The following MGRN1 variants were observed in gnomAD, a reference collection of about 807,000 sequenced individuals.
The protein encoded by MGRN1 is E3 ubiquitin-protein ligase MGRN1.
A neutral mutation model predicts 69.2 loss-of-function variants in MGRN1; 29 were observed. The observed-to-expected ratio is 0.42, with a 90% CI of 0.31 to 0.57. The LOEUF is 0.57. Ranked by LOEUF, MGRN1 falls within the 20% of genes least tolerant of loss-of-function variation. The pLI is 0.15. For missense variants in MGRN1, 998 were observed against 796.2 expected (o/e 1.25, Z -3.05); for synonymous variants, 470 against 344.2 (o/e 1.37, Z -4.04).
At chr16:4,657,420 G>T (rs554468687) in intron 5 of MGRN1, 57 bp downstream of exon 5, 23 of 1,535,184 alleles carry the variant, frequency 1.5e-5, no homozygotes, top group African/African-American at 4.1e-5. Context: ...TCTCCCCTTG[G>T]GGGTGGGGCC....
rs1401760451 is a variant in MGRN1, at chr16:4,664,774, T to G, written c.627T>G (p.Asp209Glu). Reference protein sequence around the residue: ...VVIQAVVDEGDVVEVTGHAHV... With the variant: ...VVIQAVVDEGEVVEVTGHAHV... ...TCCAGGCTGTGGTGGACGAAGGAGATGGTGAGTGCGTCCTCTTCCGTCCTC... is the reference window on the plus strand; with the variant it reads ...TCCAGGCTGTGGTGGACGAAGGAGAGGGTGAGTGCGTCCTCTTCCGTCCTC... The change falls in exon 6 of 17, where the codon GAT becomes GAG. Residue 209 changes from aspartate to glutamate, a missense_variant and splice_region_variant. Physicochemically the swap from Asp to Glu is conservative, Grantham distance 45. Coordinates refer to ENST00000262370, the MANE Select transcript of MGRN1 (RefSeq NM_015246.4). 1 of 1,614,072 alleles carries G rather than the reference T, an allele frequency of 6.2e-7. No homozygotes were observed. Among genetic ancestry groups the G allele is most frequent in the Admixed American group, 1.7e-5 (1 of 60,018 alleles).
intron 2 of MGRN1, 55 bp downstream of exon 2, chr16:4,650,538 C>T: frequency 7.2e-7 from 1 of 1,386,940 alleles, no homozygotes. Flanking sequence ...GCCCCTGTCC[C>T]CAGCAGTCCG....
At position 4,683,090 on chromosome 16, in the gene MGRN1, C is replaced by G. The variant is rs181070014; in HGVS notation, c.1483-134C>G. 10 of 1,508,674 alleles carry G rather than the reference C, an allele frequency of 6.6e-6. No homozygotes were observed. The Admixed American group carries it at 1.5e-4, about 22-fold the overall frequency. 93.5% of individuals were successfully genotyped at this position (1,508,674 alleles called of 1,614,324 possible). On this transcript the variant is annotated intron_variant, in intron 14 of 16. Coordinates refer to ENST00000262370, the MANE Select transcript of MGRN1 (RefSeq NM_015246.4). ...TTGCTGAGCTGCGCGGCTCCTTAGC[C>G]TCGGTCTGTGGAGGCAGCACCCCCT...
In MGRN1 at chr16:4,649,967, C is replaced by T. The variant is rs187356693; in HGVS notation, c.89-398C>T. On this transcript the variant is annotated intron_variant, in intron 1 of 16. Coordinates refer to ENST00000262370, the MANE Select transcript of MGRN1 (RefSeq NM_015246.4). ...CTTTCTCAGGGCCGAGCTTCTTGGC[C>T]GTCAGATGTTCCCACCAGGCTGTGT... 8.6e-4 allele frequency: 140 copies of T among 163,644 alleles called. 3 individuals carry two copies. Among genetic ancestry groups the T allele is most frequent in the East Asian group, 6.3e-3 (34 of 5,406 alleles). 10.1% of individuals were successfully genotyped at this position (163,644 alleles called of 1,614,324 possible).
At chr16:4,664,924 C>G (rs1008365649) in intron 6 of MGRN1, 149 bp downstream of exon 6, 36 of 1,247,556 alleles carry the variant, frequency 2.9e-5, no homozygotes, top group Admixed American at 1.2e-4. Context: ...AGCTTGGAGT[C>G]CCGGGCAGGT....
intron 9 of MGRN1, among the ~76,000 whole-genome samples, chr16:4,672,212 A>T (rs572643557): frequency 2.0e-5 from 3 of 151,488 alleles, no homozygotes; most frequent in Non-Finnish European, 4.4e-5. Flanking sequence ...CCTAATTTTT[A>T]ATTTTTGTAT....
chr16:4,673,714 A>T, intron 10 of MGRN1, 57 bp downstream of exon 10: 5 of 1,587,370 alleles, frequency 3.1e-6, no homozygotes, highest in South Asian at 1.1e-5. Flanking sequence ...GACTGGCCAC[A>T]CCACGGTGGT....
At chr16:4,644,157 T>G (rs1177511882) in intron 1 of MGRN1, among the ~76,000 whole-genome samples, 1 of 151,672 alleles carries the variant, frequency 6.6e-6, no homozygotes, top group Non-Finnish European at 1.5e-5. Flanking sequence ...TTTTTTTGTT[T>G]TGTTTTGTAT....
chr16:4,687,740 C>T lies in MGRN1; in HGVS notation c.1619-1056C>T, dbSNP rs191537197. 2,765 of 985,488 alleles carry T rather than the reference C, an allele frequency of 2.8e-3. 5 individuals are homozygous for T. The highest frequency in any genetic ancestry group is 3.1e-3 in the Non-Finnish European group (2,549 of 829,974). The allele number at this position is 985,488 out of a possible 1,614,324, so 61.0% of individuals were successfully genotyped here. A position where few individuals can be genotyped will look rare whatever the true frequency, so the allele number is the denominator to read the frequency against. On this transcript the variant is annotated intron_variant, in intron 16 of 16. Coordinates refer to ENST00000262370, the MANE Select transcript of MGRN1 (RefSeq NM_015246.4). ...TCTGGTCTGCCGAGGCCCATGCAGC[C>T]TGCTGGGAGGTGCCTGGCCGGGGGT... is the stretch of plus-strand genomic sequence containing the variant.
chr16:4,650,827 C>G (rs2078389831), intron 2 of MGRN1: 1 of 183,352 alleles, frequency 5.5e-6, no homozygotes, highest in African/African-American at 2.3e-5. Context: ...TATTTACAGA[C>G]TGGGCATTGT....
Position 4,643,787 on chromosome 16 carries a change from C to G in MGRN1, c.89-6578C>G, listed in dbSNP as rs990018653. ...GTGAGTTTTTCGTGTTTTGAATGGC[C>G]ATTACTAATACCCAATTGATCAAAC... On this transcript the variant is annotated intron_variant, in intron 1 of 16. Coordinates refer to ENST00000262370, the MANE Select transcript of MGRN1 (RefSeq NM_015246.4). Among the ~76,000 whole-genome samples, 3 of 152,062 alleles carry G rather than the reference C, an allele frequency of 2.0e-5. No individual in the cohort carries two copies. The East Asian group carries it at 5.8e-4, about 29-fold the overall frequency.
At chr16:4,655,529 C>G (rs548807985) in intron 4 of MGRN1, among the ~76,000 whole-genome samples, 2 of 152,206 alleles carry the variant, frequency 1.3e-5, no homozygotes, top group Admixed American at 1.3e-4. Context: ...CCTGCTTCCC[C>G]TCCCAGCGGG....
chr16:4,670,280 T>C (rs1300643367), intron 8 of MGRN1, among the ~76,000 whole-genome samples: 1 of 152,188 alleles, frequency 6.6e-6, no homozygotes, highest in Non-Finnish European at 1.5e-5. Context: ...TCTCACTCTG[T>C]CGCCGAGGCT....
intron 13 of MGRN1, 89 bp downstream of exon 13, chr16:4,681,865 A>T (rs918361419): frequency 4.6e-5 from 61 of 1,327,126 alleles, no homozygotes; most frequent in South Asian, 3.6e-4. Flanking sequence ...TCAGTTTGTG[A>T]TGTGTTCTGT....
In MGRN1 at chr16:4,665,083, G is replaced by C; in HGVS notation, c.629-19G>C. On this transcript the variant is annotated intron_variant, in intron 6 of 16. Coordinates refer to ENST00000262370, the MANE Select transcript of MGRN1 (RefSeq NM_015246.4). ...GGCAGGCCCCGACTCTGACTACTCT[G>C]CCCCTCTCTCCCCAGCAGTGGTGGA... is the stretch of plus-strand genomic sequence containing the variant. 1.2e-6 allele frequency: 2 copies of C among 1,614,214 alleles called. No homozygotes were observed. Among genetic ancestry groups the C allele is most frequent in the East Asian group, 4.5e-5 (2 of 44,888 alleles).
intron 10 of MGRN1, among the ~76,000 whole-genome samples, chr16:4,676,371 G>C (rs991986927): frequency 1.3e-5 from 2 of 152,254 alleles, no homozygotes; most frequent in African/African-American, 2.4e-5. Context: ...CTGAGCCTCA[G>C]GGTGGCTGTG....
chr16:4,666,700 C>T (rs1034506704), intron 7 of MGRN1, among the ~76,000 whole-genome samples: 8 of 152,202 alleles, frequency 5.3e-5, no homozygotes, highest in African/African-American at 9.6e-5. Context: ...CTGCTCCTTC[C>T]GCCACCTGCC....
At chr16:4,658,032 G>A (rs772314540) in intron 5 of MGRN1, among the ~76,000 whole-genome samples, 31 of 151,320 alleles carry the variant, frequency 2.0e-4, no homozygotes, top group East Asian at 4.0e-4. Context: ...GTGAGCCACC[G>A]TGCCCGGCCA....
In MGRN1 at chr16:4,650,540, A is replaced by C. The variant is rs565439722; in HGVS notation, c.207+57A>C. On this transcript the variant is annotated intron_variant, in intron 2 of 16. Coordinates refer to ENST00000262370, the MANE Select transcript of MGRN1 (RefSeq NM_015246.4). The stretch of plus-strand genomic sequence containing the variant: ...GTGGGGGTGGGAGGCCCCTGTCCCC[A>C]GCAGTCCGCATCCCAGCCATGAGGG... 6.0e-4 allele frequency: 815 copies of C among 1,356,502 alleles called. 9 individuals carry two copies. In the South Asian group the frequency reaches 7.8e-3, roughly 13 times the overall value. The allele number at this position is 1,356,502 out of a possible 1,614,324, so 84.0% of individuals were successfully genotyped here.
Sources: gnomAD v4.1 joint callset for allele counts (sites outside exome capture counted in the v4.1 genomes callset) on GRCh38, gnomAD v4.1.1 for gene constraint, MANE v1.5 for transcripts, NCBI Gene and HGNC (gene_info 2026-07-23, HGNC 2026-07-21) for gene names.